Variants in PRRG2 observed in about 807,000 individuals in gnomAD.
The protein encoded by PRRG2 is transmembrane gamma-carboxyglutamic acid protein 2.
Under a neutral mutation model 27.1 loss-of-function variants are expected in PRRG2, and 23 were observed. That is an observed-to-expected ratio of 0.85 (90% confidence interval 0.61 to 1.20). The LOEUF (loss-of-function observed/expected upper bound fraction) is 1.20. Among genes scored for constraint, PRRG2 ranks in the 50% most tolerant of loss-of-function variants. The probability of loss-of-function intolerance (pLI) is 0.00; values close to 1 mark genes in which losing one functional copy is unlikely to be tolerated. For missense variants in PRRG2, 276 were observed against 254.8 expected (o/e 1.08, Z -0.57); for synonymous variants, 104 against 103.4 (o/e 1.01, Z -0.03).
intron 4 of PRRG2, among the ~76,000 whole-genome samples, chr19:49,588,259 A>G (rs1333589805): frequency 1.3e-5 from 2 of 152,182 alleles, no homozygotes; most frequent in African/African-American, 2.4e-5. Context: ...CACTACATCC[A>G]GCCTAATCTC....
At position 49,590,250 on chromosome 19, in the gene PRRG2, G is replaced by T. The variant is rs2080708563; in HGVS notation, c.591-121G>T. ...TGTGTGGAGCCGTATAGGAGGGTGG[G>T]GCCTGTGCCCAGAGGGTCCTGGATT... On this transcript the variant is annotated intron_variant, in intron 6 of 6. Transcript: ENST00000246794. 5.3e-6 allele frequency: 8 copies of T among 1,508,078 alleles called. No individual in the cohort carries two copies. In the South Asian group the frequency reaches 7.9e-5, roughly 15 times the overall value. 93.4% of individuals were successfully genotyped at this position (1,508,078 alleles called of 1,614,324 possible).
At position 49,590,235 on chromosome 19, in the gene PRRG2, C is replaced by T. The variant is rs1234321520; in HGVS notation, c.591-136C>T. On this transcript the variant is annotated intron_variant, in intron 6 of 6. Coordinates refer to ENST00000246794, the MANE Select transcript of PRRG2 (RefSeq NM_000951.3). ...TGGCCCAGCGTTGTATGTGTGGAGC[C>T]GTATAGGAGGGTGGGGCCTGTGCCC... The T allele has an allele frequency of 3.4e-6, 5 of 1,457,696 alleles. No homozygotes were observed. In the African/African-American group the frequency reaches 5.7e-5, roughly 17 times the overall value. 90.3% of individuals were successfully genotyped at this position (1,457,696 alleles called of 1,614,324 possible).
At chr19:49,589,496 G>A (rs998256508) in intron 5 of PRRG2, among the ~76,000 whole-genome samples, 20 of 149,832 alleles carry the variant, frequency 1.3e-4, no homozygotes, top group Admixed American at 2.7e-4. Context: ...TGCAGTGGCC[G>A]GTTCACAGTT....
Position 49,590,524 on chromosome 19 carries a change from G to A in PRRG2, c.*135G>A. On this transcript the variant is annotated 3_prime_UTR_variant, in exon 7 of 7. Transcript: ENST00000246794. ...TGGGAGTAGGGGTCATCCGGCCCGAGGCCTGCCCTGGCACACGCGTTTCCG... is the reference window on the plus strand; with the variant it reads ...TGGGAGTAGGGGTCATCCGGCCCGAAGCCTGCCCTGGCACACGCGTTTCCG... 1 of 1,239,580 alleles carries A rather than the reference G, an allele frequency of 8.1e-7. No individual in the cohort carries two copies. The highest frequency in any genetic ancestry group is 1.3e-5 in the South Asian group (1 of 76,340). The allele number at this position is 1,239,580 out of a possible 1,614,324, so 76.8% of individuals were successfully genotyped here. A position where few individuals can be genotyped will look rare whatever the true frequency, so the allele number is the denominator to read the frequency against.
Position 49,583,088 on chromosome 19 carries a change from C to G in PRRG2, c.-13-119C>G, listed in dbSNP as rs1389566814. The G allele has an allele frequency of 4.1e-6, 3 of 725,770 alleles. No individual in the cohort carries two copies. The African/African-American group carries it at 5.3e-5, about 13-fold the overall frequency. The allele number at this position is 725,770 out of a possible 1,614,324, so 45.0% of individuals were successfully genotyped here. ...GGTAAACAGTATCTGGCACAGAATACAGGCTGTGTAAGTGGCTGCTATTAT... is the reference window on the plus strand; with the variant it reads ...GGTAAACAGTATCTGGCACAGAATAGAGGCTGTGTAAGTGGCTGCTATTAT... On this transcript the variant is annotated intron_variant, in intron 1 of 6. Coordinates refer to ENST00000246794, the MANE Select transcript of PRRG2 (RefSeq NM_000951.3).
At chr19:49,582,091 A>G (rs1179900747) in intron 1 of PRRG2, among the ~76,000 whole-genome samples, 3 of 151,078 alleles carry the variant, frequency 2.0e-5, no homozygotes, top group Non-Finnish European at 4.4e-5. Flanking sequence ...AATACAAAAA[A>G]TTAGCCAGGC....
In PRRG2 at chr19:49,581,376, C is replaced by T. The variant is rs1429982970; in HGVS notation, c.-119C>T. On this transcript the variant is annotated 5_prime_UTR_variant, in exon 1 of 7. Coordinates refer to ENST00000246794, the MANE Select transcript of PRRG2 (RefSeq NM_000951.3). The stretch of plus-strand genomic sequence containing the variant: ...TGGTTACCGGGAGTGGGGCGCCCCT[C>T]CTCCTTATCCCCTCCCCTCTTCCCT... The T allele has an allele frequency of 1.3e-5, 2 of 152,286 alleles. No homozygotes were observed. The highest frequency in any genetic ancestry group is 1.5e-5 in the Non-Finnish European group (1 of 68,096). 9.4% of individuals were successfully genotyped at this position (152,286 alleles called of 1,614,324 possible). A position where few individuals can be genotyped will look rare whatever the true frequency, so the allele number is the denominator to read the frequency against.
intron 4 of PRRG2, among the ~76,000 whole-genome samples, chr19:49,586,547 C>T (rs1360791279): frequency 6.6e-6 from 1 of 152,042 alleles, no homozygotes; most frequent in Non-Finnish European, 1.5e-5. Context: ...GCACCACACC[C>T]AGCTATTAAA....
intron 5 of PRRG2, among the ~76,000 whole-genome samples, chr19:49,589,269 A>T (rs2080696088): frequency 6.6e-6 from 1 of 151,070 alleles, no homozygotes; most frequent in Non-Finnish European, 1.5e-5. Context: ...CTGGGATTAT[A>T]GGCGCACTCC....
At position 49,581,426 on chromosome 19, in the gene PRRG2, C is replaced by G. The variant is rs2080622283; in HGVS notation, c.-69C>G. ...TGTCCCCTTTCACAGCTGGCTGTAG[C>G]TGGCCAAGGAGTTCTCGATTAAAGA... On this transcript the variant is annotated 5_prime_UTR_variant, in exon 1 of 7. Transcript: ENST00000246794. 1 of 152,356 alleles carries G rather than the reference C, an allele frequency of 6.6e-6. No individual in the cohort carries two copies. 9.4% of individuals were successfully genotyped at this position (152,356 alleles called of 1,614,324 possible).
At chr19:49,581,114 T>G (rs1213907594), upstream of PRRG2, among the ~76,000 whole-genome samples, 4 of 152,106 alleles carry the variant, frequency 2.6e-5, no homozygotes, top group Non-Finnish European at 5.9e-5. Context: ...TTTTTCTAGC[T>G]CGGACAGACG....
rs2080712495 is a variant in PRRG2, at chr19:49,590,470, G to A, written c.*81G>A. On this transcript the variant is annotated 3_prime_UTR_variant, in exon 7 of 7. Coordinates refer to ENST00000246794, the MANE Select transcript of PRRG2 (RefSeq NM_000951.3). ...CCGGAAGCCGCTAGGCCTCATAGAC[G>A]CCGAAGCTGGACTTGGAGTGGGGAA... 1.3e-6 allele frequency: 2 copies of A among 1,581,742 alleles called. No individual in the cohort carries two copies. Among genetic ancestry groups the A allele is most frequent in the East Asian group, 2.2e-5 (1 of 44,734 alleles).
At chr19:49,583,882 T>C (rs200503673) in intron 3 of PRRG2, 31 bp from the exon 4 acceptor site, 71 of 1,612,306 alleles carry the variant, frequency 4.4e-5, no homozygotes, top group Non-Finnish European at 5.7e-5. Flanking sequence ...TCCTGCTTTT[T>C]CCCCTTCTTT....
At chr19:49,583,145 G>A in intron 1 of PRRG2, 62 bp from the exon 2 acceptor site, 1 of 1,389,796 alleles carries the variant, frequency 7.2e-7, no homozygotes, top group Non-Finnish European at 1.0e-6. Flanking sequence ...GCCAGTCAGA[G>A]AGGCACTGCC....
intron 1 of PRRG2, among the ~76,000 whole-genome samples, chr19:49,582,887 C>G (rs956348634): frequency 6.6e-6 from 1 of 150,768 alleles, no homozygotes; most frequent in Non-Finnish European, 1.5e-5. Flanking sequence ...AGAAAATTAG[C>G]GGGTGTGGTG....
intron 4 of PRRG2, among the ~76,000 whole-genome samples, chr19:49,584,815 G>T (rs1462828328): frequency 6.6e-6 from 1 of 152,212 alleles, no homozygotes; most frequent in Non-Finnish European, 1.5e-5. Context: ...TCAGTGGAGG[G>T]AAAGGTTAGA....
At chr19:49,586,072 CAAAAAAAAAAA>C (rs1171500009) in intron 4 of PRRG2, among the ~76,000 whole-genome samples, 2 of 56,918 alleles carry the variant, frequency 3.5e-5, no homozygotes, top group African/African-American at 6.7e-5. Context: ...AGAGTGTCTC[CAAAAAAAAAAA>C]AAAAAAAAAA....
At chr19:49,589,379 G>T (rs1052628530) in intron 5 of PRRG2, among the ~76,000 whole-genome samples, 4 of 150,824 alleles carry the variant, frequency 2.7e-5, no homozygotes, top group South Asian at 4.2e-4. Context: ...GCCCGCCTTG[G>T]CCTCCCAAAG....
chr19:49,585,294 C>T (rs1244968294), intron 4 of PRRG2, among the ~76,000 whole-genome samples: 4 of 152,194 alleles, frequency 2.6e-5, no homozygotes, highest in African/African-American at 4.8e-5. Flanking sequence ...CCTTGTGGCC[C>T]GGTTGCTAGG....
Sources: gnomAD v4.1 joint callset for allele counts (sites outside exome capture counted in the v4.1 genomes callset) on GRCh38, gnomAD v4.1.1 for gene constraint, MANE v1.5 for transcripts, NCBI Gene and HGNC (gene_info 2026-07-23, HGNC 2026-07-21) for gene names.